Variants in CADPS observed in about 807,000 individuals in gnomAD.
CADPS encodes the protein calcium dependent secretion activator, also known as calcium-dependent secretion activator 1.
A neutral mutation model predicts 167.3 loss-of-function variants in CADPS; 57 were observed. That is an observed-to-expected ratio of 0.34 (90% CI 0.28 to 0.42). CADPS has a LOEUF of 0.42. Ranked by LOEUF, CADPS falls within the 20% of genes least tolerant of loss-of-function variation. The pLI is 1.00. For missense variants in CADPS, 1,414 were observed against 1,738.1 expected (o/e 0.81, Z 3.32); for synonymous variants, 676 against 635.3 (o/e 1.06, Z -0.96).
chr3:62,751,272 A>G (rs1296845264), intron 3 of CADPS, among the ~76,000 whole-genome samples: 13 of 152,176 alleles, frequency 8.5e-5, no homozygotes, highest in Admixed American at 7.9e-4. Flanking sequence ...AAATCAAAAA[A>G]CCATATATTT....
At chr3:62,676,309 T>A (rs913888365) in intron 3 of CADPS, among the ~76,000 whole-genome samples, 1 of 152,144 alleles carries the variant, frequency 6.6e-6, no homozygotes, top group African/African-American at 2.4e-5. Flanking sequence ...AAAAGAGGTG[T>A]TCAATATATA....
In CADPS at chr3:62,753,928, C is replaced by T. The variant is rs79886562; in HGVS notation, c.556-155G>A. Among the ~76,000 whole-genome samples, 2,916 of 152,254 alleles carry T rather than the reference C, an allele frequency of 0.019. 49 individuals carry two copies. Among genetic ancestry groups the T allele is most frequent in the South Asian group, 0.059 (283 of 4,826 alleles). ...CCCCACCACCTCCTGGCTGTGCAAACTCAGAGTAGTCTCTTACACATTCTG... is the reference window on the plus strand; with the variant it reads ...CCCCACCACCTCCTGGCTGTGCAAATTCAGAGTAGTCTCTTACACATTCTG... On this transcript the variant is annotated intron_variant, in intron 2 of 29. Transcript: ENST00000383710. The surrounding 1 kb of genome is among the most constrained non-coding windows in gnomAD (Gnocchi z 4.6).
At chr3:62,501,317 T>C (rs1282276894) in intron 17 of CADPS, among the ~76,000 whole-genome samples, 1 of 152,224 alleles carries the variant, frequency 6.6e-6, no homozygotes, top group African/African-American at 2.4e-5. Context: ...TAGACTATCA[T>C]AATTTCATTC....
At chr3:62,551,743 C>A (rs1399225091) in intron 10 of CADPS, among the ~76,000 whole-genome samples, 4 of 152,136 alleles carry the variant, frequency 2.6e-5, no homozygotes, top group Non-Finnish European at 5.9e-5. Context: ...TCCTTGAACA[C>A]CCCAGGCATG....
chr3:62,445,858 C>G, intron 26 of CADPS, 61 bp from the exon 27 acceptor site: 1 of 1,200,250 alleles, frequency 8.3e-7, no homozygotes, highest in African/African-American at 1.6e-5. Flanking sequence ...GTTCACTGCT[C>G]AATGCTGTAT....
chr3:62,695,833 G>C (rs931713348), intron 3 of CADPS, among the ~76,000 whole-genome samples: 1 of 152,040 alleles, frequency 6.6e-6, no homozygotes, highest in African/African-American at 2.4e-5. Context: ...GTGACTATAG[G>C]CATGAGCCAC....
At chr3:62,666,532 A>C (rs1512016) in intron 3 of CADPS, among the ~76,000 whole-genome samples, 149,884 of 152,254 alleles carry the variant, frequency 0.98, 73,818 homozygotes, top group Middle Eastern at 1. Context: ...ACGTTGGCAG[A>C]TCATTAGGGT....
At position 62,409,667 on chromosome 3, in the gene CADPS, A is replaced by G. The variant is rs912664359; in HGVS notation, c.3778-6482T>C. On this transcript the variant is annotated intron_variant, in intron 28 of 29. Coordinates refer to ENST00000383710, the MANE Select transcript of CADPS (RefSeq NM_003716.4). ...TCTATTTTAGGTTGGTAACTCATCA[A>G]TTGCTAGTGGAAGAAACTAGAAAAG... Among the ~76,000 whole-genome samples, 4 of 152,220 alleles carry G rather than the reference A, an allele frequency of 2.6e-5. 1 individual carries two copies. Among genetic ancestry groups the G allele is most frequent in the Non-Finnish European group, 5.9e-5 (4 of 68,040 alleles).
chr3:62,645,050 T>A (rs1563271657), intron 6 of CADPS, among the ~76,000 whole-genome samples: 1 of 152,168 alleles, frequency 6.6e-6, no homozygotes, highest in Non-Finnish European at 1.5e-5. Flanking sequence ...TTATGTAACA[T>A]ACTACCTTGC....
chr3:62,662,471 C>G lies in CADPS; in HGVS notation c.889-77G>C. The stretch of plus-strand genomic sequence containing the variant: ...TAAACTCAGGACATTCCATTTTATA[C>G]CCCCTTGCACTGTGCTCCATGGACA... On this transcript the variant is annotated intron_variant, in intron 3 of 29. Coordinates refer to ENST00000383710, the MANE Select transcript of CADPS (RefSeq NM_003716.4). 5.9e-6 allele frequency: 7 copies of G among 1,177,160 alleles called. No homozygotes were observed. In the South Asian group the frequency reaches 8.6e-5, roughly 14 times the overall value. The allele number at this position is 1,177,160 out of a possible 1,614,324, so 72.9% of individuals were successfully genotyped here.
intron 3 of CADPS, among the ~76,000 whole-genome samples, chr3:62,713,940 T>C (rs956624667): frequency 3.9e-5 from 6 of 152,238 alleles, no homozygotes; most frequent in African/African-American, 7.2e-5. Context: ...GAACCTCATA[T>C]GCAGCTTTTT....
At chr3:62,502,961 C>G (rs1354899353) in intron 17 of CADPS, among the ~76,000 whole-genome samples, 1 of 151,950 alleles carries the variant, frequency 6.6e-6, no homozygotes, top group Admixed American at 6.6e-5. Flanking sequence ...TGATAAAACA[C>G]AAATGGAGAG....
chr3:62,575,712 C>T (rs922272645), intron 8 of CADPS, among the ~76,000 whole-genome samples: 1 of 152,204 alleles, frequency 6.6e-6, no homozygotes, highest in Non-Finnish European at 1.5e-5. Flanking sequence ...CACTCTTCCT[C>T]CTTCCTTCTA....
chr3:62,557,288 C>G (rs1472462161), intron 10 of CADPS, 117 bp downstream of exon 10: 1 of 738,744 alleles, frequency 1.4e-6, no homozygotes, highest in East Asian at 2.5e-5. Context: ...CAGCTGAAAC[C>G]CTTAGTGAAT....
intron 1 of CADPS, among the ~76,000 whole-genome samples, chr3:62,840,628 T>G (rs979064390): frequency 6.6e-6 from 1 of 152,144 alleles, no homozygotes; most frequent in African/African-American, 2.4e-5. Flanking sequence ...AACTTTCATA[T>G]GTACAGATGG....
chr3:62,632,027 A>G (rs1252501512), intron 6 of CADPS, among the ~76,000 whole-genome samples: 1 of 152,246 alleles, frequency 6.6e-6, no homozygotes, highest in Non-Finnish European at 1.5e-5. Flanking sequence ...TGGGTAAACT[A>G]GAATGATTTG....
chr3:62,452,989 C>T (rs965904413), intron 26 of CADPS, among the ~76,000 whole-genome samples: 6 of 151,804 alleles, frequency 4.0e-5, no homozygotes, highest in African/African-American at 1.5e-4. Flanking sequence ...AAAAATTAGC[C>T]AGGTGTGGTT....
intron 13 of CADPS, among the ~76,000 whole-genome samples, chr3:62,531,049 C>T (rs2073549437): frequency 6.6e-6 from 1 of 152,104 alleles, no homozygotes; most frequent in Admixed American, 6.5e-5. Context: ...GATGTATAAA[C>T]CTAACTGTGA....
chr3:62,401,291 T>G (rs1706014873), intron 29 of CADPS, among the ~76,000 whole-genome samples: 2 of 152,168 alleles, frequency 1.3e-5, no homozygotes, highest in Admixed American at 1.3e-4. Flanking sequence ...CAGAATATGA[T>G]GGGGGAAAAT....
Sources: allele counts gnomAD v4.1 joint callset (sites outside exome capture counted in the v4.1 genomes callset), GRCh38; gene constraint gnomAD v4.1.1; non-coding constraint Gnocchi (gnomAD v3.1); transcripts MANE v1.5; gene names NCBI Gene and HGNC (gene_info 2026-07-23, HGNC 2026-07-21).